FANCD2: variants seen among roughly 807,000 people sequenced by gnomAD.
FANCD2 encodes FA complementation group D2, also known as Fanconi anemia group D2 protein.
In FANCD2, 131 loss-of-function variants were observed where a neutral mutation model predicts 192.3. The observed-to-expected ratio is 0.68, with a 90% CI of 0.59 to 0.79. FANCD2 has a LOEUF of 0.79. Ranked by LOEUF, FANCD2 falls within the 30% of genes least tolerant of loss-of-function variation. The pLI is 0.00. For missense variants in FANCD2, 1,508 were observed against 1,701.6 expected (o/e 0.89, Z 2.00); for synonymous variants, 524 against 612.5 (o/e 0.86, Z 2.13).
At chr3:10,072,304 A>C (rs774991602) in intron 26 of FANCD2, among the ~76,000 whole-genome samples, 1 of 146,422 alleles carries the variant, frequency 6.8e-6, no homozygotes, top group Non-Finnish European at 1.5e-5. Flanking sequence ...TTTGAGACAG[A>C]GGCTTGCTTT....
intron 26 of FANCD2, among the ~76,000 whole-genome samples, chr3:10,069,577 TCA>T (rs1693051486): frequency 6.7e-6 from 1 of 150,020 alleles, no homozygotes. Flanking sequence ...TTCTCCTGCC[TCA>T]GCCTGCCGAG....
chr3:10,085,386 TTTTC>T lies in FANCD2; in HGVS notation c.3225-418_3225-415del, dbSNP rs1310044035. On this transcript the variant is annotated intron_variant, in intron 32 of 43. Transcript: ENST00000675286. ...CTTTCCATTTCAATTCTTTTTTCTT[TTTTC>T]TTTCTTTTTTTTTTTTTTTTGAGAT... 3.3e-5 allele frequency among the ~76,000 whole-genome samples: 5 copies of T among 151,334 alleles called. No individual in the cohort carries two copies. In the South Asian group the frequency reaches 8.3e-4, roughly 25 times the overall value.
intron 11 of FANCD2, 150 bp from the exon 12 acceptor site, chr3:10,042,900 G>A (rs576248785): frequency 1.4e-5 from 11 of 787,754 alleles, no homozygotes; most frequent in Middle Eastern, 5.3e-4. Context: ...CATTGCATTG[G>A]CTATTCTCAT....
At chr3:10,085,225 C>A (rs148087395) in intron 32 of FANCD2, among the ~76,000 whole-genome samples, 24 of 152,032 alleles carry the variant, frequency 1.6e-4, no homozygotes, top group Non-Finnish European at 2.8e-4. Context: ...ATGGCCCAGG[C>A]GTGGTGGCTC....
At chr3:10,099,343 G>C in intron 43 of FANCD2, 2 of 1,195,788 alleles carry the variant, frequency 1.7e-6, no homozygotes, top group African/African-American at 1.6e-5. Flanking sequence ...TGTAGACATG[G>C]CTGGCGCAGT....
At chr3:10,076,489 A>T (rs1693552246) in intron 29 of FANCD2, among the ~76,000 whole-genome samples, 1 of 152,188 alleles carries the variant, frequency 6.6e-6, no homozygotes, top group Admixed American at 6.5e-5. Flanking sequence ...ACTTTATTAT[A>T]TGACAGAGCA....
At chr3:10,086,049 C>G (rs1198240784) in intron 33 of FANCD2, 127 bp downstream of exon 33, 1 of 709,712 alleles carries the variant, frequency 1.4e-6, no homozygotes. Context: ...CAGCTACTCT[C>G]CTCATATATG....
At chr3:10,081,009 G>A (rs946938378) in intron 30 of FANCD2, 91 bp from the exon 31 acceptor site, 5 of 1,399,864 alleles carry the variant, frequency 3.6e-6, no homozygotes, top group Non-Finnish European at 4.0e-6. Context: ...CCTACCTGGT[G>A]ACACAGGTTT....
Position 10,081,057 on chromosome 3 carries a change from C to T in FANCD2, c.2977-43C>T, listed in dbSNP as rs762928348. 4 of 1,612,948 alleles carry T rather than the reference C, an allele frequency of 2.5e-6. No homozygotes were observed. In the African/African-American group the frequency reaches 4.0e-5, roughly 16 times the overall value. ...TTGCGAACCCTTAGTTTCTGAGACG[C>T]TATCCAGCAGTTTCTTCACTCATAA... is the stretch of plus-strand genomic sequence containing the variant. On this transcript the variant is annotated intron_variant, in intron 30 of 43. Coordinates refer to ENST00000675286, the MANE Select transcript of FANCD2 (RefSeq NM_001018115.3).
At chr3:10,040,368 A>G (rs2086836410) in intron 9 of FANCD2, 1 of 406,442 alleles carries the variant, frequency 2.5e-6, no homozygotes. Flanking sequence ...TATACCTGTT[A>G]TGAGCGTGAA....
Position 10,099,392 on chromosome 3 carries a change from G to A in FANCD2, c.4281+577G>A, listed in dbSNP as rs1575879785. ...AATCCTAGCACTTTTTGAGGCCAAG[G>A]TAGGAGGATTGCTTGAGTCCGGGAG... is the stretch of plus-strand genomic sequence containing the variant. On this transcript the variant is annotated intron_variant, in intron 43 of 43. Transcript: ENST00000675286. 7 of 1,070,494 alleles carry A rather than the reference G, an allele frequency of 6.5e-6. No homozygotes were observed. The South Asian group carries it at 1.7e-4, about 25-fold the overall frequency. The allele number at this position is 1,070,494 out of a possible 1,614,324, so 66.3% of individuals were successfully genotyped here.
intron 35 of FANCD2, 55 bp from the exon 36 acceptor site, chr3:10,088,773 G>A: frequency 2.5e-6 from 4 of 1,580,170 alleles, no homozygotes; most frequent in Middle Eastern, 1.7e-4. Context: ...AGAGGAATCT[G>A]TAGTTGTATT....
At chr3:10,046,801 A>G in intron 15 of FANCD2, 78 bp downstream of exon 15, 5 of 1,195,062 alleles carry the variant, frequency 4.2e-6, no homozygotes, top group South Asian at 3.8e-5. Flanking sequence ...ATCTTATTTC[A>G]GTCCATTGTT....
In FANCD2 at chr3:10,090,356, G is replaced by GGGCTC; in HGVS notation, c.3748_3749insGGCTC (p.Glu1250GlyfsTer34). 1.2e-6 allele frequency: 2 copies of GGGCTC among 1,608,530 alleles called. No homozygotes were observed. Among genetic ancestry groups the GGGCTC allele is most frequent in the Non-Finnish European group, 1.7e-6 (2 of 1,177,000 alleles). ...ACTAGAGAAGACGGTGAAAAAAATT[G>GGGCTC]AGCCTGGCACAGCAGCAGACTCGCA... On this transcript the variant is annotated frameshift_variant, in exon 37 of 44. Transcript: ENST00000675286. LOFTEE classifies it high-confidence loss of function.
Position 10,081,131 on chromosome 3 carries a change from A to C in FANCD2, c.3008A>C (p.His1003Pro), listed in dbSNP as rs765550790. ...NKGSRNIGFS[H>P]LQQRSAQEIV... is the part of the protein sequence containing the mutation. The stretch of plus-strand genomic sequence containing the variant: ...GGAAGCCGGAATATTGGATTCTCAC[A>C]TCTCCAACAGAGATCTGCCCAAGAA... The change falls in exon 31 of 44, where the codon CAT becomes CCT. Residue 1003 changes from histidine to proline, a missense_variant. Physicochemically the swap from His to Pro is moderately conservative, Grantham distance 77. Transcript: ENST00000675286. 4 of 1,614,126 alleles carry C rather than the reference A, an allele frequency of 2.5e-6. No homozygotes were observed. Among genetic ancestry groups the C allele is most frequent in the Non-Finnish European group, 3.4e-6 (4 of 1,180,002 alleles).
chr3:10,043,201 G>C (rs748295839), intron 12 of FANCD2, 51 bp downstream of exon 12: 8 of 1,346,030 alleles, frequency 5.9e-6, no homozygotes, highest in Non-Finnish European at 8.5e-6. Flanking sequence ...ACATCCCACT[G>C]TCAGAGTTAG....
At chr3:10,069,714 T>A (rs573392275) in intron 26 of FANCD2, among the ~76,000 whole-genome samples, 1 of 152,280 alleles carries the variant, frequency 6.6e-6, no homozygotes, top group South Asian at 2.1e-4. Flanking sequence ...TCCGCTAGCC[T>A]CAGCCTCCCG....
At position 10,088,843 on chromosome 3, in the gene FANCD2, C is replaced by T. The variant is rs777378549; in HGVS notation, c.3576C>T (p.His1192=). The part of the protein sequence containing the change: ...LHALLCIYLE[H]TESILKAIEE... ...CTCAATGCAGTATCTACCTGGAGCA[C>T]ACAGAGAGCATTCTGAAGGCCATAG... The change falls in exon 36 of 44, where the codon CAC becomes CAT. Residue 1192 remains histidine, a synonymous_variant. Transcript: ENST00000675286. 6.2e-7 allele frequency: 1 copy of T among 1,614,010 alleles called. No homozygotes were observed. The highest frequency in any genetic ancestry group is 8.5e-7 in the Non-Finnish European group (1 of 1,179,974).
rs6805869 is a variant in FANCD2, at chr3:10,078,233, T to C, written c.2976+36T>C. The C allele has an allele frequency of 0.17, 238,493 of 1,369,982 alleles. 23,785 individuals are homozygous for C. The highest frequency in any genetic ancestry group is 0.42 in the African/African-American group (29,596 of 70,010). The allele number at this position is 1,369,982 out of a possible 1,614,324, so 84.9% of individuals were successfully genotyped here. A position where few individuals can be genotyped will look rare whatever the true frequency, so the allele number is the denominator to read the frequency against. The stretch of plus-strand genomic sequence containing the variant: ...GCAGAAGCATAGGACTTGGGCATAG[T>C]GGATTTGGGAACAAAGGAGGTATTA... On this transcript the variant is annotated intron_variant, in intron 30 of 43. Coordinates refer to ENST00000675286, the MANE Select transcript of FANCD2 (RefSeq NM_001018115.3).
Sources: allele counts gnomAD v4.1 joint callset (sites outside exome capture counted in the v4.1 genomes callset), GRCh38; gene constraint gnomAD v4.1.1; transcripts MANE v1.5; gene names NCBI Gene and HGNC (gene_info 2026-07-23, HGNC 2026-07-21).